The following SMIM13 variants were observed in gnomAD, a reference collection of about 807,000 sequenced individuals.
SMIM13 encodes the protein UPF0766 protein C6orf228.
Under a neutral mutation model 5.9 loss-of-function variants are expected in SMIM13, and 3 were observed. The observed-to-expected ratio is 0.51, with a 90% CI of 0.23 to 1.31. SMIM13 has a LOEUF of 1.31. Ranked by LOEUF, SMIM13 falls within the 40% of genes most tolerant of loss-of-function variation. The pLI is 0.18. For missense variants in SMIM13, 85 were observed against 109.9 expected (o/e 0.77, Z 1.01); for synonymous variants, 55 against 46.0 (o/e 1.19, Z -0.79).
At chr6:11,130,069 A>G (rs1758432028) in intron 1 of SMIM13, among the ~76,000 whole-genome samples, 2 of 152,014 alleles carry the variant, frequency 1.3e-5, no homozygotes, top group Non-Finnish European at 2.9e-5. Flanking sequence ...ATATGGAAAC[A>G]CCCTGTCTTC....
At chr6:11,114,401 T>C (rs1188218612) in intron 1 of SMIM13, among the ~76,000 whole-genome samples, 1 of 152,138 alleles carries the variant, frequency 6.6e-6, no homozygotes, top group African/African-American at 2.4e-5. Context: ...GAGTGAAATA[T>C]TTAGCCTTTT....
rs140934168 is a variant in SMIM13 at position 11,104,811 on chromosome 6, C to A, written c.76+10422C>A. On this transcript the variant is annotated intron_variant, in intron 1 of 1. Coordinates refer to ENST00000416247, the MANE Select transcript of SMIM13 (RefSeq NM_001135575.2). Reference sequence around the variant, plus strand: ...AGGTTTGGGGAATCTTGGTTGATGGCGGAATTGGTTGTGGGTGTATGTTTG... The same window carrying A: ...AGGTTTGGGGAATCTTGGTTGATGGAGGAATTGGTTGTGGGTGTATGTTTG... 8 of 1,613,942 alleles carry A rather than the reference C, an allele frequency of 5.0e-6. No individual in the cohort carries two copies. The East Asian group carries it at 1.8e-4, about 36-fold the overall frequency.
intron 1 of SMIM13, chr6:11,103,692 CCTT>C: frequency 6.5e-7 from 1 of 1,548,630 alleles, no homozygotes; most frequent in Non-Finnish European, 8.7e-7. Flanking sequence ...TAGGGGTCCT[CCTT>C]AGAAGGGTGA....
chr6:11,098,479 C>G (rs998703213), intron 1 of SMIM13, among the ~76,000 whole-genome samples: 6 of 152,250 alleles, frequency 3.9e-5, no homozygotes, highest in African/African-American at 1.4e-4. Flanking sequence ...GTTGCCCAGG[C>G]TGGAGTACAG....
At chr6:11,124,938 C>T (rs1758358531) in intron 1 of SMIM13, among the ~76,000 whole-genome samples, 1 of 152,044 alleles carries the variant, frequency 6.6e-6, no homozygotes, top group South Asian at 2.1e-4. Context: ...TATTTTTGCT[C>T]GATAAACTGT....
chr6:11,096,178 A>G (rs952527892), intron 1 of SMIM13, among the ~76,000 whole-genome samples: 1 of 152,188 alleles, frequency 6.6e-6, no homozygotes, highest in Non-Finnish European at 1.5e-5. Flanking sequence ...GTGGAGAACA[A>G]TTTTTCCACA....
intron 1 of SMIM13, among the ~76,000 whole-genome samples, chr6:11,116,519 A>G (rs1265603062): frequency 6.6e-6 from 1 of 152,220 alleles, no homozygotes; most frequent in Non-Finnish European, 1.5e-5. Flanking sequence ...TTTCAACTAC[A>G]AATTCTGTTT....
At chr6:11,113,198 T>A (rs1758193002) in intron 1 of SMIM13, among the ~76,000 whole-genome samples, 1 of 152,224 alleles carries the variant, frequency 6.6e-6, no homozygotes, top group South Asian at 2.1e-4. Context: ...TTCATTTCTC[T>A]TGAGTAACTT....
At position 11,127,646 on chromosome 6, in the gene SMIM13, A is replaced by G. The variant is rs562171594; in HGVS notation, c.77-6757A>G. On this transcript the variant is annotated intron_variant, in intron 1 of 1. Transcript: ENST00000416247. ...CAAAGAGAGAATGAGGAAGACGCAA[A>G]AGTGGAAACCTCTGATAAAACCATC... Among the ~76,000 whole-genome samples, 291 of 152,304 alleles carry G rather than the reference A, an allele frequency of 1.9e-3. 1 individual carries two copies. Among genetic ancestry groups the G allele is most frequent in the African/African-American group, 6.8e-3 (281 of 41,552 alleles).
At chr6:11,130,970 A>C (rs72825144) in intron 1 of SMIM13, among the ~76,000 whole-genome samples, 1 of 152,154 alleles carries the variant, frequency 6.6e-6, no homozygotes, top group Non-Finnish European at 1.5e-5. Context: ...ATGAAATCAA[A>C]ACTATCAGTT....
chr6:11,109,380 G>C (rs1758136495), intron 1 of SMIM13, among the ~76,000 whole-genome samples: 1 of 152,194 alleles, frequency 6.6e-6, no homozygotes, highest in Non-Finnish European at 1.5e-5. Context: ...ATAACTTAAG[G>C]AGGTGGTGTC....
rs995941422 is a variant in SMIM13, at chr6:11,094,238, C to T, written c.-76C>T. 6 of 838,696 alleles carry T rather than the reference C, an allele frequency of 7.2e-6. No individual in the cohort carries two copies. The highest frequency in any genetic ancestry group is 3.6e-5 in the African/African-American group (2 of 55,034). 52.0% of individuals were successfully genotyped at this position (838,696 alleles called of 1,614,324 possible). ...CCGCGCCTGGCGCCCGCCGCTGAAG[C>T]GCAGGACGCGCCGCCGCCCGCGCTC... On this transcript the variant is annotated 5_prime_UTR_variant, in exon 1 of 2. Transcript: ENST00000416247.
rs1338971266 is a variant in SMIM13 at position 11,138,396 on chromosome 6, T to C, written c.*3794T>C. 6.6e-6 allele frequency: 1 copy of C among 152,184 alleles called. No individual in the cohort carries two copies. Among genetic ancestry groups the C allele is most frequent in the Non-Finnish European group, 1.5e-5 (1 of 68,028 alleles). The allele number at this position is 152,184 out of a possible 1,614,324, so 9.4% of individuals were successfully genotyped here. Reference sequence around the variant, plus strand: ...TTTGTTGGTGTACATGTGCTACCTGTTTTATGGGGAATGTTTAACACGATC... The same window carrying C: ...TTTGTTGGTGTACATGTGCTACCTGCTTTATGGGGAATGTTTAACACGATC... On this transcript the variant is annotated 3_prime_UTR_variant, in exon 2 of 2. Coordinates refer to ENST00000416247, the MANE Select transcript of SMIM13 (RefSeq NM_001135575.2).
chr6:11,112,949 A>G (rs1758189316), intron 1 of SMIM13, among the ~76,000 whole-genome samples: 1 of 152,102 alleles, frequency 6.6e-6, no homozygotes, highest in Non-Finnish European at 1.5e-5. Context: ...CTGGGATTAT[A>G]GGCACCTGCC....
At chr6:11,106,852 TATTTA>T (rs889913750) in intron 1 of SMIM13, among the ~76,000 whole-genome samples, 1 of 152,222 alleles carries the variant, frequency 6.6e-6, no homozygotes, top group African/African-American at 2.4e-5. Context: ...TTGAGGCCCA[TATTTA>T]ATTTGAGTAT....
At chr6:11,095,173 A>G (rs1757906884) in intron 1 of SMIM13, among the ~76,000 whole-genome samples, 2 of 152,228 alleles carry the variant, frequency 1.3e-5, no homozygotes, top group South Asian at 4.1e-4. Flanking sequence ...ACACATATTT[A>G]TAAGACTGAA....
intron 1 of SMIM13, chr6:11,102,905 G>A (rs1042437127): frequency 6.6e-6 from 1 of 152,210 alleles, no homozygotes; most frequent in Non-Finnish European, 1.5e-5. Flanking sequence ...AGAACAAAAG[G>A]AAGCAAAGTG....
At chr6:11,116,008 C>CTTTTTTTTT (rs35527082) in intron 1 of SMIM13, among the ~76,000 whole-genome samples, 1 of 78,490 alleles carries the variant, frequency 1.3e-5, no homozygotes, top group African/African-American at 5.2e-5. Flanking sequence ...CTTCCTTCCT[C>CTTTTTTTTT]TTTTTTTTTT....
At chr6:11,122,604 C>G (rs1275643400) in intron 1 of SMIM13, among the ~76,000 whole-genome samples, 1 of 151,710 alleles carries the variant, frequency 6.6e-6, no homozygotes, top group African/African-American at 2.4e-5. Context: ...TCAGGCCTAT[C>G]TTCTTGTGAC....
Sources: gnomAD v4.1 joint callset for allele counts (sites outside exome capture counted in the v4.1 genomes callset) on GRCh38, gnomAD v4.1.1 for gene constraint, MANE v1.5 for transcripts, NCBI Gene and HGNC (gene_info 2026-07-23, HGNC 2026-07-21) for gene names.